Variants in MBNL2 observed in about 807,000 individuals in gnomAD.
MBNL2 encodes the protein muscleblind-like protein 2.
A neutral mutation model predicts 41.9 loss-of-function variants in MBNL2; 17 were observed. That is an observed-to-expected ratio of 0.41 (90% CI 0.28 to 0.61). The LOEUF (loss-of-function observed/expected upper bound fraction) is 0.61. MBNL2 is among the 20% of genes least tolerant of loss of function. MBNL2 has a pLI of 0.35. For synonymous variants in MBNL2, 195 were observed against 182.9 expected, an observed-to-expected ratio of 1.07 and a Z score of -0.53; for missense variants, 336 against 505.6, an observed-to-expected ratio of 0.66 and a Z score of 3.22.
At chr13:97,193,652 G>A in the MBNL2 span, among the ~76,000 whole-genome samples, 2 of 152,204 alleles carry the variant, frequency 1.3e-5, no homozygotes, top group African/African-American at 4.8e-5. Flanking sequence ...TGGCTACTAG[G>A]TGGAGAATGG....
chr13:97,283,044 T>G (rs1230565990), intron 2 of MBNL2, among the ~76,000 whole-genome samples: 1 of 152,232 alleles, frequency 6.6e-6, no homozygotes, highest in African/African-American at 2.4e-5. Flanking sequence ...CATCTCCGTT[T>G]CATTTTGCAG....
At chr13:97,289,476 T>C (rs888226534) in intron 2 of MBNL2, among the ~76,000 whole-genome samples, 4 of 151,998 alleles carry the variant, frequency 2.6e-5, no homozygotes, top group Admixed American at 2.6e-4. Flanking sequence ...TAACTTTCGG[T>C]TGTTAACAGA....
chr13:97,268,056 T>A lies in MBNL2; in HGVS notation c.-604-7576T>A, dbSNP rs1284796742. Among the ~76,000 whole-genome samples, 1 of 150,238 alleles carries A rather than the reference T, an allele frequency of 6.7e-6. No homozygotes were observed. The highest frequency in any genetic ancestry group is 1.5e-5 in the Non-Finnish European group (1 of 67,762). On this transcript the variant is annotated intron_variant, in intron 1 of 8. Coordinates refer to ENST00000679496, the MANE Select transcript of MBNL2 (RefSeq NM_001382683.1). The surrounding 1 kb of genome is among the most constrained non-coding windows in gnomAD (Gnocchi z 4.6). ...GGACCTTGGTGGTGGGGCCTAAGAG[T>A]GTGCTTTTCTTTTTTCTTTCCTTCC... is the stretch of plus-strand genomic sequence containing the variant.
At chr13:97,276,463 G>A in intron 2 of MBNL2, 54 bp downstream of exon 2, 1 of 1,502,730 alleles carries the variant, frequency 6.7e-7, no homozygotes, top group Non-Finnish European at 9.2e-7. Flanking sequence ...ATTGCAAACA[G>A]AAGGCTTTTC....
At chr13:97,276,487 A>T (rs963539203) in intron 2 of MBNL2, 78 bp downstream of exon 2, 2 of 1,356,578 alleles carry the variant, frequency 1.5e-6, no homozygotes, top group Non-Finnish European at 2.1e-6. Context: ...GCATTTTTAC[A>T]GAAGTTTAAA....
chr13:97,169,469 A>C, the MBNL2 span, among the ~76,000 whole-genome samples: 17 of 152,334 alleles, frequency 1.1e-4, no homozygotes, highest in Non-Finnish European at 2.4e-4. Flanking sequence ...ATGTGTCCCC[A>C]ACCAGAGGCA....
chr13:97,278,391 T>C (rs1214492881), intron 2 of MBNL2, among the ~76,000 whole-genome samples: 1 of 152,076 alleles, frequency 6.6e-6, no homozygotes, highest in African/African-American at 2.4e-5. Context: ...AATCCAAACC[T>C]TCTCCAATTG....
chr13:97,373,321 G>A (rs940071160), intron 8 of MBNL2, among the ~76,000 whole-genome samples: 23 of 152,172 alleles, frequency 1.5e-4, no homozygotes, highest in African/African-American at 5.5e-4. Flanking sequence ...GTAGAGGGGG[G>A]ATTCAGGTTG....
At chr13:97,297,806 G>A (rs1425679667) in intron 2 of MBNL2, among the ~76,000 whole-genome samples, 1 of 152,190 alleles carries the variant, frequency 6.6e-6, no homozygotes, top group Non-Finnish European at 1.5e-5. Context: ...TGCAGTTGCA[G>A]ACGAAGTTTT....
chr13:97,301,190 G>C (rs1322301839), intron 2 of MBNL2, among the ~76,000 whole-genome samples: 1 of 152,170 alleles, frequency 6.6e-6, no homozygotes, highest in African/African-American at 2.4e-5. Context: ...ATGTACGGTG[G>C]GAATGGAGTG....
the MBNL2 span, among the ~76,000 whole-genome samples, chr13:97,151,560 C>T: frequency 6.6e-6 from 1 of 152,134 alleles, no homozygotes; most frequent in Non-Finnish European, 1.5e-5. Flanking sequence ...AATACTCCCA[C>T]CAAAGCTAAT....
chr13:97,312,666 T>G (rs7325607), intron 2 of MBNL2, among the ~76,000 whole-genome samples: 4,492 of 152,332 alleles, frequency 0.029, 233 homozygotes, highest in African/African-American at 0.1. Context: ...GCCATTGAGT[T>G]AGAATTCTAA....
In MBNL2 at chr13:97,343,112, A is replaced by G. The variant is rs193227121; in HGVS notation, c.436A>G (p.Thr146Ala). 2.4e-5 allele frequency: 39 copies of G among 1,614,034 alleles called. No homozygotes were observed. The Admixed American group carries it at 3.0e-4, about 12-fold the overall frequency. ...AACCCCTGGAGTTGGGTTGGTCCCA[A>G]CGGAAATTCTGCCCACCACGCCTGT... The part of the protein sequence containing the change: ...PVTPGVGLVP[T>A]EILPTTPVIV... The change falls in exon 4 of 9, where the codon ACG (threonine) becomes GCG (alanine). Residue 146 changes from threonine to alanine, a missense_variant. Thr to Ala is a moderately conservative substitution (Grantham distance 58). Transcript: ENST00000679496.
chr13:97,214,360 C>T, the MBNL2 span, among the ~76,000 whole-genome samples: 2 of 152,224 alleles, frequency 1.3e-5, no homozygotes, highest in East Asian at 1.9e-4. Context: ...AACCCAATTT[C>T]CTACTCATCC....
chr13:97,384,244 CT>C (rs1330028966), intron 8 of MBNL2, among the ~76,000 whole-genome samples: 1 of 152,124 alleles, frequency 6.6e-6, no homozygotes, highest in Non-Finnish European at 1.5e-5. Context: ...AAAGAAAGTT[CT>C]TGAAAGTGTA....
intron 1 of MBNL2, among the ~76,000 whole-genome samples, chr13:97,234,778 A>G (rs180863383): frequency 1.3e-5 from 2 of 152,358 alleles, no homozygotes; most frequent in African/African-American, 4.8e-5. Flanking sequence ...TTTAGAGATA[A>G]GGTACACGTT....
chr13:97,302,816 G>C (rs555106736), intron 2 of MBNL2, among the ~76,000 whole-genome samples: 1 of 152,204 alleles, frequency 6.6e-6, no homozygotes, highest in African/African-American at 2.4e-5. Flanking sequence ...AGGAAAGGCT[G>C]GCAGGCAGAG....
chr13:97,261,215 A>G (rs1334443660), intron 1 of MBNL2, among the ~76,000 whole-genome samples: 3 of 152,138 alleles, frequency 2.0e-5, no homozygotes, highest in African/African-American at 7.2e-5. Context: ...CATGATGGAT[A>G]CAAACCCTCT....
At chr13:97,199,208 G>C in the MBNL2 span, among the ~76,000 whole-genome samples, 6 of 152,068 alleles carry the variant, frequency 3.9e-5, no homozygotes, top group Non-Finnish European at 8.8e-5. Flanking sequence ...CTGAGAACTG[G>C]CTCCCTTACA....
Sources: gnomAD v4.1 joint callset for allele counts (sites outside exome capture counted in the v4.1 genomes callset) on GRCh38, gnomAD v4.1.1 for gene constraint, Gnocchi (gnomAD v3.1) non-coding constraint, MANE v1.5 for transcripts, NCBI Gene and HGNC (gene_info 2026-07-23, HGNC 2026-07-21) for gene names.